Variants in SLC66A2 observed in about 807,000 individuals in gnomAD.
SLC66A2 encodes solute carrier family 66 member 2, also known as PQ loop repeat containing 1.
A neutral mutation model predicts 25.5 loss-of-function variants in SLC66A2; 23 were observed. The ratio of observed to expected loss-of-function variants is 0.90; its 90% CI spans 0.65 to 1.28. The LOEUF (loss-of-function observed/expected upper bound fraction) is 1.28. Among genes scored for constraint, SLC66A2 ranks in the 50% most tolerant of loss-of-function variants. The probability of loss-of-function intolerance (pLI) is 0.00; values close to 1 mark genes in which losing one functional copy is unlikely to be tolerated. For missense variants in SLC66A2, 396 were observed against 373.1 expected (o/e 1.06, Z -0.51); for synonymous variants, 193 against 166.5 (o/e 1.16, Z -1.23).
At chr18:79,930,291 T>C (rs939435070) in intron 4 of SLC66A2, 1 of 152,052 alleles carries the variant, frequency 6.6e-6, no homozygotes, top group African/African-American at 2.4e-5. Context: ...CAGAGGGCAG[T>C]GGAATAACAT....
rs1380971103 is a variant in SLC66A2, at chr18:79,904,932, T to C, written c.609-749A>G. 1.3e-5 allele frequency among the ~76,000 whole-genome samples: 2 copies of C among 152,162 alleles called. No homozygotes were observed. The highest frequency in any genetic ancestry group is 4.8e-5 in the African/African-American group (2 of 41,448). On this transcript the variant is annotated intron_variant, in intron 5 of 5. Coordinates refer to ENST00000397778, the MANE Select transcript of SLC66A2 (RefSeq NM_025078.5). The surrounding 1 kb of genome is among the most constrained non-coding windows in gnomAD (Gnocchi z 6.3). The stretch of plus-strand genomic sequence containing the variant: ...CAGAGCCTGGGTGGGGAGCGCTGCC[T>C]GGACAGAAAGGACAGGACACAGCCC...
chr18:79,908,284 A>G (rs1036862495), intron 5 of SLC66A2, among the ~76,000 whole-genome samples: 3 of 151,396 alleles, frequency 2.0e-5, no homozygotes, highest in African/African-American at 7.3e-5. Flanking sequence ...CTTTCATTCG[A>G]GAAGGTCTTT....
At chr18:79,907,720 C>T (rs946116054) in intron 5 of SLC66A2, among the ~76,000 whole-genome samples, 1 of 151,898 alleles carries the variant, frequency 6.6e-6, no homozygotes, top group Non-Finnish European at 1.5e-5. Flanking sequence ...ATCCTCACAC[C>T]CCTGCCCAAG....
chr18:79,912,903 T>C (rs1983450146), intron 5 of SLC66A2, among the ~76,000 whole-genome samples: 1 of 152,100 alleles, frequency 6.6e-6, no homozygotes, highest in Admixed American at 6.5e-5. Context: ...CTGCTCTGCA[T>C]CAAAGGCATA....
Position 79,943,313 on chromosome 18 carries a change from A to T in SLC66A2, c.337+16T>A, listed in dbSNP as rs1279659253. 2.5e-6 allele frequency: 4 copies of T among 1,612,732 alleles called. No individual in the cohort carries two copies. Among genetic ancestry groups the T allele is most frequent in the Non-Finnish European group, 3.4e-6 (4 of 1,179,302 alleles). On this transcript the variant is annotated intron_variant, in intron 3 of 5. Coordinates refer to ENST00000397778, the MANE Select transcript of SLC66A2 (RefSeq NM_025078.5). Reference sequence around the variant, plus strand: ...CTGATTCCCTGCGACTTTATTCCGAAGCGCCGGCCACCAACCTGTAAAGGA... The same window carrying T: ...CTGATTCCCTGCGACTTTATTCCGATGCGCCGGCCACCAACCTGTAAAGGA...
At chr18:79,944,967 C>T (rs2050879602) in intron 2 of SLC66A2, among the ~76,000 whole-genome samples, 1 of 150,562 alleles carries the variant, frequency 6.6e-6, no homozygotes, top group Non-Finnish European at 1.5e-5. Context: ...GCAGGGGGAA[C>T]CCCACAGCCC....
intron 5 of SLC66A2, among the ~76,000 whole-genome samples, chr18:79,913,638 G>A (rs563790526): frequency 1.5e-4 from 23 of 152,344 alleles, no homozygotes; most frequent in South Asian, 4.1e-4. Context: ...TGTGCATGCC[G>A]GCCTGTGCAC....
chr18:79,909,615 C>G (rs1982658789), intron 5 of SLC66A2, among the ~76,000 whole-genome samples: 1 of 146,218 alleles, frequency 6.8e-6, no homozygotes, highest in Non-Finnish European at 1.5e-5. Context: ...CCCAGCATCT[C>G]ACCACAGAGT....
rs529911149 is a variant in SLC66A2, at chr18:79,944,889, C to T, written c.204-1427G>A. On this transcript the variant is annotated intron_variant, in intron 2 of 5. Coordinates refer to ENST00000397778, the MANE Select transcript of SLC66A2 (RefSeq NM_025078.5). ...CGCAGCCCCCTCAGCAACCCCTTAT[C>T]GACTCAGAGCAGAAGCAGGGGGAAC... is the stretch of plus-strand genomic sequence containing the variant. 5.0e-4 allele frequency among the ~76,000 whole-genome samples: 75 copies of T among 150,612 alleles called. 2 individuals are homozygous for T. The highest frequency in any genetic ancestry group is 1.7e-3 in the African/African-American group (69 of 41,068).
At chr18:79,915,077 T>G (rs528405905) in intron 5 of SLC66A2, among the ~76,000 whole-genome samples, 7 of 152,310 alleles carry the variant, frequency 4.6e-5, no homozygotes, top group African/African-American at 1.7e-4. Flanking sequence ...AAACCTTCCC[T>G]CAGGCCATGC....
chr18:79,943,485 G>A, intron 2 of SLC66A2, 23 bp from the exon 3 acceptor site: 1 of 1,608,712 alleles, frequency 6.2e-7, no homozygotes, highest in Non-Finnish European at 8.5e-7. Flanking sequence ...CACTGTGTCA[G>A]GAGGGAGGTC....
At position 79,917,849 on chromosome 18, in the gene SLC66A2, C is replaced by T. The variant is rs979607393; in HGVS notation, c.608+1335G>A. On this transcript the variant is annotated intron_variant, in intron 5 of 5. Coordinates refer to ENST00000397778, the MANE Select transcript of SLC66A2 (RefSeq NM_025078.5). This position sits in a 1 kb window ranked among gnomAD's most constrained non-coding sequence, Gnocchi z 6.0. Reference sequence around the variant, plus strand: ...ACCTGCACCCCACACCACACCCCAACCTGTACCTACCTCACACCATGCCAG... The same window carrying T: ...ACCTGCACCCCACACCACACCCCAATCTGTACCTACCTCACACCATGCCAG... 1.3e-5 allele frequency among the ~76,000 whole-genome samples: 2 copies of T among 151,754 alleles called. No individual in the cohort carries two copies. The highest frequency in any genetic ancestry group is 4.8e-5 in the African/African-American group (2 of 41,288).
chr18:79,906,501 T>C (rs539742878), intron 5 of SLC66A2, among the ~76,000 whole-genome samples: 1 of 152,374 alleles, frequency 6.6e-6, no homozygotes, highest in Admixed American at 6.5e-5. Flanking sequence ...TAAAGGTGTG[T>C]TGTTTAGCTT....
intron 5 of SLC66A2, among the ~76,000 whole-genome samples, chr18:79,913,586 G>A (rs767362850): frequency 7.2e-5 from 11 of 152,244 alleles, no homozygotes; most frequent in Admixed American, 2.6e-4. Flanking sequence ...TGTGTGCATC[G>A]CTGTGTGTGT....
rs1984484905 is a variant in SLC66A2, at chr18:79,918,322, T to C, written c.608+862A>G. On this transcript the variant is annotated intron_variant, in intron 5 of 5. Transcript: ENST00000397778. The surrounding 1 kb of genome is among the most constrained non-coding windows in gnomAD (Gnocchi z 4.0). ...TTCCCTCCAAATCACAGCCTCAGCA[T>C]CTGTATTGGAGACCAGACTCAAGCA... 6.6e-6 allele frequency among the ~76,000 whole-genome samples: 1 copy of C among 151,942 alleles called. No homozygotes were observed. Among genetic ancestry groups the C allele is most frequent in the African/African-American group, 2.4e-5 (1 of 41,380 alleles).
At chr18:79,919,594 C>T (rs1268177971) in intron 4 of SLC66A2, among the ~76,000 whole-genome samples, 194 bp from the exon 5 acceptor site, 1 of 10,238 alleles carries the variant, frequency 9.8e-5, no homozygotes, top group African/African-American at 1.2e-4. Flanking sequence ...AGACGGGAAC[C>T]GAGGGAGAGG....
Position 79,950,780 on chromosome 18 carries a change from G to C in SLC66A2, c.147C>G (p.Phe49Leu). Residue 49 changes from phenylalanine to leucine, a missense_variant, in exon 2 of 6, where the codon TTC becomes TTG. Transcript: ENST00000397778. ...GCAGCACCAGGCACACGTAGGTGGAGAAGCCGTCGGCGTTCTGCGTCCTGC... is the reference window on the plus strand; with the variant it reads ...GCAGCACCAGGCACACGTAGGTGGACAAGCCGTCGGCGTTCTGCGTCCTGC... Reference protein sequence around the residue: ...DIRRTQNADGFSTYVCLVLLV... With the variant: ...DIRRTQNADGLSTYVCLVLLV... The C allele has an allele frequency of 1.9e-6, 3 of 1,613,252 alleles. No individual in the cohort carries two copies. Among genetic ancestry groups the C allele is most frequent in the Non-Finnish European group, 2.5e-6 (3 of 1,180,004 alleles).
chr18:79,908,190 C>T (rs12606977), intron 5 of SLC66A2, among the ~76,000 whole-genome samples: 13,752 of 152,176 alleles, frequency 0.09, 749 homozygotes, highest in East Asian at 0.21. Flanking sequence ...TTCCTGGAGT[C>T]CCAAGTTGCT....
At chr18:79,936,816 C>T (rs1215768262) in intron 3 of SLC66A2, among the ~76,000 whole-genome samples, 3 of 152,162 alleles carry the variant, frequency 2.0e-5, no homozygotes, top group East Asian at 1.9e-4. Context: ...CCGTTCCCAG[C>T]GGGAAGTGTC....
Sources: allele counts gnomAD v4.1 joint callset (sites outside exome capture counted in the v4.1 genomes callset), GRCh38; gene constraint gnomAD v4.1.1; non-coding constraint Gnocchi (gnomAD v3.1); transcripts MANE v1.5; gene names NCBI Gene and HGNC (gene_info 2026-07-23, HGNC 2026-07-21).